The following NUDCD3 variants were observed in gnomAD, a reference collection of about 807,000 sequenced individuals.
The protein encoded by NUDCD3 is NudC domain containing 3.
NUDCD3 carries 13 observed loss-of-function variants against 39.7 expected under a neutral mutation model. The observed-to-expected ratio is 0.33, with a 90% confidence interval of 0.21 to 0.52. The LOEUF is 0.52. NUDCD3 is among the 20% of genes least tolerant of loss of function. NUDCD3 has a pLI of 0.96. For missense variants in NUDCD3, 453 were observed against 458.1 expected (o/e 0.99, Z 0.10); for synonymous variants, 175 against 172.4 (o/e 1.02, Z -0.12).
At chr7:44,480,683 T>C (rs1480918198) in intron 2 of NUDCD3, among the ~76,000 whole-genome samples, 1 of 152,112 alleles carries the variant, frequency 6.6e-6, no homozygotes, top group Non-Finnish European at 1.5e-5. Context: ...GCCTCACACC[T>C]ATAATCCCAG....
chr7:44,421,355 C>T (rs1476646770), intron 3 of NUDCD3, among the ~76,000 whole-genome samples: 1 of 141,248 alleles, frequency 7.1e-6, no homozygotes, highest in Non-Finnish European at 1.5e-5. Context: ...AAAAACCACA[C>T]ACAGACTGGC....
At chr7:44,416,398 T>A (rs533928817) in intron 3 of NUDCD3, among the ~76,000 whole-genome samples, 1 of 151,882 alleles carries the variant, frequency 6.6e-6, no homozygotes, top group East Asian at 1.9e-4. Flanking sequence ...CAAGAATTTT[T>A]AAAAGAGGTC....
At chr7:44,405,031 C>A (rs1798792811) in intron 3 of NUDCD3, among the ~76,000 whole-genome samples, 1 of 152,198 alleles carries the variant, frequency 6.6e-6, no homozygotes, top group South Asian at 2.1e-4. Context: ...GAATTGCTCA[C>A]CCCAGGACTG....
chr7:44,415,607 A>C (rs1414662343), intron 3 of NUDCD3, among the ~76,000 whole-genome samples: 3 of 152,212 alleles, frequency 2.0e-5, no homozygotes, highest in Non-Finnish European at 4.4e-5. Flanking sequence ...AGCAAGTGTG[A>C]ACTCATCATA....
At chr7:44,397,424 A>C (rs1352169846) in intron 4 of NUDCD3, among the ~76,000 whole-genome samples, 1 of 152,074 alleles carries the variant, frequency 6.6e-6, no homozygotes, top group African/African-American at 2.4e-5. Flanking sequence ...ACTCTGCTGC[A>C]CCCCTACCAG....
At chr7:44,477,707 C>T (rs1800402349) in intron 2 of NUDCD3, among the ~76,000 whole-genome samples, 1 of 152,112 alleles carries the variant, frequency 6.6e-6, no homozygotes, top group Non-Finnish European at 1.5e-5. Context: ...GCGCCCCTCT[C>T]TTCCACAGTG....
At chr7:44,459,338 A>G (rs1457613606) in intron 2 of NUDCD3, among the ~76,000 whole-genome samples, 5 of 151,852 alleles carry the variant, frequency 3.3e-5, no homozygotes, top group African/African-American at 1.2e-4. Flanking sequence ...AGCTGGGACT[A>G]TAGGCATGCA....
At chr7:44,399,606 G>A (rs932203855) in intron 4 of NUDCD3, among the ~76,000 whole-genome samples, 2 of 152,200 alleles carry the variant, frequency 1.3e-5, no homozygotes, top group South Asian at 2.1e-4. Flanking sequence ...GACACTGGAA[G>A]TATCTGGGTA....
chr7:44,476,596 A>G (rs1449997489), intron 2 of NUDCD3, among the ~76,000 whole-genome samples: 3 of 152,218 alleles, frequency 2.0e-5, no homozygotes, highest in African/African-American at 7.2e-5. Context: ...GGCTGTCAGC[A>G]ATAAATGTCT....
chr7:44,413,562 A>G (rs991483986), intron 3 of NUDCD3, among the ~76,000 whole-genome samples: 1 of 152,194 alleles, frequency 6.6e-6, no homozygotes, highest in African/African-American at 2.4e-5. Context: ...AAGATGCTCC[A>G]CCTCACTCTA....
intron 3 of NUDCD3, among the ~76,000 whole-genome samples, chr7:44,425,736 A>G (rs1171489997): frequency 6.6e-6 from 1 of 152,104 alleles, no homozygotes; most frequent in Non-Finnish European, 1.5e-5. Flanking sequence ...CATGATAGCA[A>G]GCACCTGAAG....
intron 2 of NUDCD3, among the ~76,000 whole-genome samples, chr7:44,476,897 T>C (rs1215962095): frequency 6.6e-6 from 1 of 152,142 alleles, no homozygotes; most frequent in African/African-American, 2.4e-5. Flanking sequence ...AAGACTTTGC[T>C]GATGAGAAAA....
intron 3 of NUDCD3, among the ~76,000 whole-genome samples, chr7:44,421,791 T>G (rs1366140486): frequency 6.6e-6 from 1 of 152,156 alleles, no homozygotes; most frequent in Admixed American, 6.5e-5. Flanking sequence ...ATTCAGGACT[T>G]GAACTCAGCT....
intron 2 of NUDCD3, among the ~76,000 whole-genome samples, chr7:44,460,242 T>C (rs1250426015): frequency 6.6e-6 from 1 of 152,168 alleles, no homozygotes; most frequent in East Asian, 1.9e-4. Context: ...AATGAGTAAG[T>C]GGAGTTAATG....
chr7:44,404,207 T>C lies in NUDCD3; in HGVS notation c.786+233A>G, dbSNP rs1457116073. Among the ~76,000 whole-genome samples the C allele has an allele frequency of 2.6e-5, 4 of 152,242 alleles. No individual in the cohort carries two copies. The South Asian group carries it at 6.2e-4, about 24-fold the overall frequency. ...TCAATTTACTTGTTTTTGCCTTAGATGTAAGAACAGTGGAGCTCTTGGGAA... is the reference window on the plus strand; with the variant it reads ...TCAATTTACTTGTTTTTGCCTTAGACGTAAGAACAGTGGAGCTCTTGGGAA... On this transcript the variant is annotated intron_variant, in intron 4 of 5. Transcript: ENST00000355451.
At chr7:44,442,332 T>C (rs1456477575) in intron 2 of NUDCD3, among the ~76,000 whole-genome samples, 6 of 152,172 alleles carry the variant, frequency 3.9e-5, no homozygotes, top group African/African-American at 1.4e-4. Context: ...TATTTGGTTG[T>C]TTTAAAAGGT....
intron 5 of NUDCD3, among the ~76,000 whole-genome samples, chr7:44,391,659 G>A (rs537432718): frequency 3.3e-5 from 5 of 152,152 alleles, no homozygotes; most frequent in East Asian, 1.9e-4. Context: ...TATGGGACAC[G>A]GGAAGTTAAA....
chr7:44,418,456 C>T (rs1311611120), intron 3 of NUDCD3, among the ~76,000 whole-genome samples: 1 of 152,266 alleles, frequency 6.6e-6, no homozygotes, highest in Non-Finnish European at 1.5e-5. Context: ...AGCTTTGCTA[C>T]TTCATTCATG....
rs1481934479 is a variant in NUDCD3, at chr7:44,381,225, A to G, written c.*4786T>C. 6.6e-6 allele frequency: 1 copy of G among 152,292 alleles called. No homozygotes were observed. Among genetic ancestry groups the G allele is most frequent in the Non-Finnish European group, 1.5e-5 (1 of 68,110 alleles). 9.4% of individuals were successfully genotyped at this position (152,292 alleles called of 1,614,324 possible). On this transcript the variant is annotated 3_prime_UTR_variant, in exon 6 of 6. Coordinates refer to ENST00000355451, the MANE Select transcript of NUDCD3 (RefSeq NM_015332.4). ...CCTGAGACAGGGTCCCTTGATGAAC[A>G]GTCCACTGGGAATGGGGCCTGCAGT... is the stretch of plus-strand genomic sequence containing the variant.
Sources: allele counts gnomAD v4.1 joint callset (sites outside exome capture counted in the v4.1 genomes callset), GRCh38; gene constraint gnomAD v4.1.1; transcripts MANE v1.5; gene names NCBI Gene and HGNC (gene_info 2026-07-23, HGNC 2026-07-21).